Variants in SGCZ observed in about 807,000 individuals in gnomAD.
SGCZ encodes the protein zeta-sarcoglycan.
Under a neutral mutation model 41.3 loss-of-function variants are expected in SGCZ, and 40 were observed. That is an observed-to-expected ratio of 0.97 (90% CI 0.75 to 1.26). The LOEUF is 1.26. Among genes scored for constraint, SGCZ ranks in the 50% most tolerant of loss-of-function variants. SGCZ has a pLI of 0.00. For missense variants in SGCZ, 552 were observed against 369.8 expected (o/e 1.49, Z -4.04); for synonymous variants, 206 against 137.5 (o/e 1.50, Z -3.49).
intron 2 of SGCZ, among the ~76,000 whole-genome samples, chr8:14,477,884 A>C (rs1164732041): frequency 3.3e-5 from 5 of 152,184 alleles, no homozygotes; most frequent in African/African-American, 1.2e-4. Context: ...TCAGCTCTCA[A>C]TATACAGTTA....
chr8:14,750,303 G>A (rs1799458611), intron 1 of SGCZ, among the ~76,000 whole-genome samples: 1 of 152,020 alleles, frequency 6.6e-6, no homozygotes, highest in Admixed American at 6.5e-5. Context: ...GGCATCTAAA[G>A]GTTTTATGAC....
At chr8:14,218,778 A>G (rs1806087954) in intron 4 of SGCZ, among the ~76,000 whole-genome samples, 1 of 152,224 alleles carries the variant, frequency 6.6e-6, no homozygotes, top group Non-Finnish European at 1.5e-5. Flanking sequence ...CAACATCAAC[A>G]ACGCATTTGG....
intron 6 of SGCZ, among the ~76,000 whole-genome samples, chr8:14,106,457 CT>C (rs1364408697): frequency 6.9e-6 from 1 of 145,064 alleles, no homozygotes; most frequent in Non-Finnish European, 1.5e-5. Flanking sequence ...AAGAAGGCCA[CT>C]TTTTTTCCTA....
intron 4 of SGCZ, among the ~76,000 whole-genome samples, chr8:14,189,019 C>CATTTTT (rs113772079): frequency 3.5e-5 from 5 of 142,422 alleles, no homozygotes; most frequent in Non-Finnish European, 7.6e-5. Flanking sequence ...CCACGCCCAG[C>CATTTTT]TTTTTTTTTT....
chr8:14,277,396 T>C (rs59418389), intron 3 of SGCZ, among the ~76,000 whole-genome samples: 28,068 of 151,288 alleles, frequency 0.19, 2,770 homozygotes, highest in East Asian at 0.28. Context: ...AATTATATTT[T>C]TACAACTCTA....
At chr8:14,431,753 G>C (rs1431347857) in intron 2 of SGCZ, among the ~76,000 whole-genome samples, 2 of 152,038 alleles carry the variant, frequency 1.3e-5, no homozygotes, top group Non-Finnish European at 2.9e-5. Flanking sequence ...ACAACCCACA[G>C]AGCGGGAGAA....
At position 14,326,111 on chromosome 8, in the gene SGCZ, C is replaced by CAAAAAAAAAAAAAAAAAAAAAAAAAA. The variant is rs56152915; in HGVS notation, c.235-1908_235-1907insTTTTTTTTTTTTTTTTTTTTTTTTTT. On this transcript the variant is annotated intron_variant, in intron 2 of 7. Transcript: ENST00000382080. Reference sequence around the variant, plus strand: ...TGGGCGAAAGAGTGAGACTCCGTCTCAAAAAAAAAAAAAAAAAAAGATGAG... The same window carrying CAAAAAAAAAAAAAAAAAAAAAAAAAA: ...TGGGCGAAAGAGTGAGACTCCGTCTCAAAAAAAAAAAAAAAAAAAAAAAAAAAAAAAAAAAAAAAAAAAAAGATGAG... Among the ~76,000 whole-genome samples, 2 of 37,904 alleles carry CAAAAAAAAAAAAAAAAAAAAAAAAAA rather than the reference C, an allele frequency of 5.3e-5. 1 individual carries two copies. Among genetic ancestry groups the CAAAAAAAAAAAAAAAAAAAAAAAAAA allele is most frequent in the Non-Finnish European group, 8.9e-5 (2 of 22,542 alleles). 24.9% of individuals were successfully genotyped at this position (37,904 alleles called of 152,430 possible).
At chr8:14,782,250 A>G (rs1469242226) in intron 1 of SGCZ, among the ~76,000 whole-genome samples, 1 of 152,232 alleles carries the variant, frequency 6.6e-6, no homozygotes, top group Non-Finnish European at 1.5e-5. Flanking sequence ...TGCTGAGATT[A>G]TTTGAGTAAA....
intron 1 of SGCZ, among the ~76,000 whole-genome samples, chr8:14,731,570 T>G (rs1358738949): frequency 6.6e-6 from 1 of 152,126 alleles, no homozygotes; most frequent in East Asian, 1.9e-4. Flanking sequence ...CGTGCCTGTT[T>G]AATTCAACAA....
chr8:14,309,176 A>T, intron 3 of SGCZ: 1 of 1,479,498 alleles, frequency 6.8e-7, no homozygotes, highest in Non-Finnish European at 9.4e-7. Flanking sequence ...CGAAAAAAGC[A>T]AAACTTGGCA....
At chr8:15,147,248 C>T (rs1488933967) in intron 1 of SGCZ, among the ~76,000 whole-genome samples, 1 of 152,102 alleles carries the variant, frequency 6.6e-6, no homozygotes, top group Non-Finnish European at 1.5e-5. Context: ...TACCCCATCC[C>T]TCATGAAGCA....
At chr8:14,933,888 G>A (rs536521287) in intron 1 of SGCZ, among the ~76,000 whole-genome samples, 2 of 151,812 alleles carry the variant, frequency 1.3e-5, no homozygotes, top group East Asian at 3.9e-4. Flanking sequence ...TCAATGGATG[G>A]GTGAACATTA....
At chr8:14,332,954 A>G (rs1802390224) in intron 2 of SGCZ, among the ~76,000 whole-genome samples, 1 of 150,860 alleles carries the variant, frequency 6.6e-6, no homozygotes, top group East Asian at 2.0e-4. Context: ...TATATATATA[A>G]AATGTTCACA....
At chr8:15,226,235 T>C (rs960626193) in intron 1 of SGCZ, among the ~76,000 whole-genome samples, 1 of 152,170 alleles carries the variant, frequency 6.6e-6, no homozygotes, top group Admixed American at 6.6e-5. Flanking sequence ...ATACTGTCTT[T>C]GGGCCACCTC....
At chr8:14,618,570 G>A (rs1391829781) in intron 1 of SGCZ, among the ~76,000 whole-genome samples, 2 of 152,170 alleles carry the variant, frequency 1.3e-5, no homozygotes, top group African/African-American at 4.8e-5. Context: ...AGGTCAGGCA[G>A]CCTATGCAGT....
chr8:14,499,538 G>C (rs1367093863), intron 2 of SGCZ, among the ~76,000 whole-genome samples: 4 of 151,770 alleles, frequency 2.6e-5, no homozygotes, highest in African/African-American at 9.7e-5. Context: ...TAACTTATTT[G>C]AATTTATTAC....
At chr8:15,206,297 G>T (rs1415536240) in intron 1 of SGCZ, among the ~76,000 whole-genome samples, 1 of 152,114 alleles carries the variant, frequency 6.6e-6, no homozygotes, top group African/African-American at 2.4e-5. Flanking sequence ...AGGCTGAGTT[G>T]GTTGTGAGCA....
intron 2 of SGCZ, among the ~76,000 whole-genome samples, chr8:14,453,171 T>G (rs954558422): frequency 2.6e-5 from 4 of 152,162 alleles, no homozygotes; most frequent in African/African-American, 9.7e-5. Flanking sequence ...ATCCTGGACA[T>G]GTATATATTT....
At chr8:14,864,658 T>C (rs941310250) in intron 1 of SGCZ, among the ~76,000 whole-genome samples, 15 of 152,122 alleles carry the variant, frequency 9.9e-5, no homozygotes, top group African/African-American at 3.4e-4. Context: ...AAAGAGAAAT[T>C]CTAATCTAAT....
Sources: allele counts gnomAD v4.1 joint callset (sites outside exome capture counted in the v4.1 genomes callset), GRCh38; gene constraint gnomAD v4.1.1; transcripts MANE v1.5; gene names NCBI Gene and HGNC (gene_info 2026-07-23, HGNC 2026-07-21).